METTL21C: variants seen among roughly 807,000 people sequenced by gnomAD.
METTL21C encodes protein-lysine methyltransferase METTL21C.
Under a neutral mutation model 25.9 loss-of-function variants are expected in METTL21C, and 21 were observed. The ratio of observed to expected loss-of-function variants is 0.81; its 90% CI spans 0.58 to 1.17. The LOEUF (loss-of-function observed/expected upper bound fraction) is 1.17, where lower values mean the gene tolerates loss of function less well. Among genes scored for constraint, METTL21C ranks in the 50% most tolerant of loss-of-function variants. The pLI, the probability that METTL21C is intolerant of heterozygous loss-of-function variation, is 0.00. For synonymous variants in METTL21C, 125 were observed against 124.7 expected (o/e 1.00, Z -0.01); for missense variants, 312 against 315.1 (o/e 0.99, Z 0.07).
intron 1 of METTL21C, among the ~76,000 whole-genome samples, chr13:102,693,762 A>ACC (rs1885884468): frequency 1.3e-5 from 2 of 152,230 alleles, no homozygotes; most frequent in African/African-American, 4.8e-5. Context: ...TCAGATTTTC[A>ACC]GATAAGGTAG....
chr13:102,687,283 C>T (rs1885701296), intron 2 of METTL21C, among the ~76,000 whole-genome samples: 1 of 152,168 alleles, frequency 6.6e-6, no homozygotes, highest in African/African-American at 2.4e-5. Context: ...GTTAAATTGC[C>T]TCCTAAATCT....
the METTL21C span, among the ~76,000 whole-genome samples, chr13:102,703,464 C>A: frequency 6.6e-6 from 1 of 152,194 alleles, no homozygotes; most frequent in Admixed American, 6.5e-5. Flanking sequence ...AGTTAACTGC[C>A]AGTTTCATTT....
chr13:102,690,738 TG>T, intron 2 of METTL21C, 74 bp downstream of exon 2: 1 of 1,527,210 alleles, frequency 6.5e-7, no homozygotes, highest in Non-Finnish European at 8.8e-7. Context: ...CTTGACAAAT[TG>T]TCCAAGGCAA....
upstream of METTL21C, among the ~76,000 whole-genome samples, chr13:102,698,063 C>T (rs139537952): frequency 2.5e-3 from 380 of 152,272 alleles, 2 homozygotes; most frequent in African/African-American, 8.7e-3. Context: ...CATAAGATGC[C>T]GTTGCTCCTT....
the METTL21C span, among the ~76,000 whole-genome samples, chr13:102,701,335 C>A: frequency 6.6e-6 from 1 of 152,100 alleles, no homozygotes; most frequent in South Asian, 2.1e-4. Flanking sequence ...AGAGACATAG[C>A]ACCTTTCACA....
chr13:102,698,041 C>T (rs964647716), upstream of METTL21C, among the ~76,000 whole-genome samples: 1 of 152,228 alleles, frequency 6.6e-6, no homozygotes, highest in African/African-American at 2.4e-5. Context: ...AGGACAGTAT[C>T]TGCTACAGCT....
intron 2 of METTL21C, among the ~76,000 whole-genome samples, chr13:102,689,466 T>C (rs565476229): frequency 1.6e-4 from 25 of 152,322 alleles, no homozygotes; most frequent in African/African-American, 5.8e-4. Context: ...CTTCTCCCCA[T>C]CCTGTGCCAT....
At chr13:102,700,869 G>A in the METTL21C span, among the ~76,000 whole-genome samples, 1 of 151,914 alleles carries the variant, frequency 6.6e-6, no homozygotes, top group Non-Finnish European at 1.5e-5. Context: ...ACGACTCCCA[G>A]CCAGGAGCAG....
intron 2 of METTL21C, among the ~76,000 whole-genome samples, chr13:102,689,201 A>G (rs1885763274): frequency 6.6e-6 from 1 of 152,090 alleles, no homozygotes; most frequent in African/African-American, 2.4e-5. Flanking sequence ...AAGTGCTGGG[A>G]TTACAGGCAT....
At chr13:102,694,149 G>C (rs1349929050) in intron 1 of METTL21C, among the ~76,000 whole-genome samples, 1 of 152,036 alleles carries the variant, frequency 6.6e-6, no homozygotes, top group Non-Finnish European at 1.5e-5. Context: ...TGCAAACTTT[G>C]ATAAGTAATG....
intron 1 of METTL21C, among the ~76,000 whole-genome samples, chr13:102,692,050 G>T (rs141619730): frequency 3.3e-5 from 5 of 152,322 alleles, no homozygotes; most frequent in South Asian, 2.1e-4. Flanking sequence ...CGGAGAGTAG[G>T]GGGGAGGAAG....
chr13:102,686,976 C>T lies in METTL21C; in HGVS notation c.364G>A (p.Gly122Arg), dbSNP rs761786898. Residue 122 changes from glycine (G) to arginine (R), a missense_variant, in exon 3 of 4, where the codon GGA becomes AGA. Gly to Arg is a moderately radical substitution (Grantham distance 125, BLOSUM62 -2). Coordinates refer to ENST00000267273, the MANE Select transcript of METTL21C (RefSeq NM_001010977.3). ...GCCACAATGGAAACAAGGCCTGGTC[C>T]GGCACCAATTTCAAGTATTTTTGCA... ...QDAKILEIGAGPGLVSIVASI... is the reference protein window; with the variant it reads ...QDAKILEIGARPGLVSIVASI... 120 of 1,613,936 alleles carry T rather than the reference C, an allele frequency of 7.4e-5. No homozygotes were observed. In the South Asian group the frequency reaches 1.1e-3, roughly 15 times the overall value.
chr13:102,693,548 T>A (rs951546700), intron 1 of METTL21C, among the ~76,000 whole-genome samples: 5 of 152,230 alleles, frequency 3.3e-5, no homozygotes, highest in Admixed American at 3.3e-4. Context: ...TGATTTTGAA[T>A]GGCTCATCAT....
chr13:102,702,163 CAA>C, the METTL21C span, among the ~76,000 whole-genome samples: 1 of 120,236 alleles, frequency 8.3e-6, no homozygotes, highest in African/African-American at 3.1e-5. Context: ...GACTCTGCCT[CAA>C]AAAAAAAAAG....
At chr13:102,689,797 A>G (rs1885779918) in intron 2 of METTL21C, among the ~76,000 whole-genome samples, 1 of 152,246 alleles carries the variant, frequency 6.6e-6, no homozygotes, top group Non-Finnish European at 1.5e-5. Flanking sequence ...TGGAAAGAAT[A>G]TTACATTAAT....
intron 1 of METTL21C, among the ~76,000 whole-genome samples, chr13:102,691,281 A>G (rs1244413368): frequency 6.6e-6 from 1 of 151,982 alleles, no homozygotes. Flanking sequence ...AAAAATGGCG[A>G]ACTTACCAGC....
chr13:102,701,559 C>T, the METTL21C span, among the ~76,000 whole-genome samples: 1 of 152,160 alleles, frequency 6.6e-6, no homozygotes, highest in African/African-American at 2.4e-5. Flanking sequence ...GGACAAACCA[C>T]TGAGATGCTG....
At chr13:102,695,700 T>G (rs1885935794), upstream of METTL21C, among the ~76,000 whole-genome samples, 4 of 152,214 alleles carry the variant, frequency 2.6e-5, no homozygotes, top group Admixed American at 2.6e-4. Flanking sequence ...CCTTTCCCAC[T>G]TTCTTAAATG....
Position 102,694,458 on chromosome 13 carries a change from C to A in METTL21C, c.41G>T (p.Arg14Leu). The change falls in exon 1 of 4, where the codon CGG becomes CTG. Residue 14 changes from arginine (R) to leucine (L), a missense_variant. By Grantham distance (102) the Arg-to-Leu change is moderately radical (BLOSUM62 -2). Transcript: ENST00000267273. ...ACCCGGGGAGCTGAGTCCTTCCCCC[C>A]GGCGCCCAGGCTGCTGCGCGGAGCT... The part of the protein sequence containing the change: ...CLSSAQQPGR[R>L]GEGLSSPGGW... 2 of 1,458,578 alleles carry A rather than the reference C, an allele frequency of 1.4e-6. No homozygotes were observed. The highest frequency in any genetic ancestry group is 1.2e-5 in the South Asian group (1 of 86,150). 90.4% of individuals were successfully genotyped at this position (1,458,578 alleles called of 1,614,324 possible). A position where few individuals can be genotyped will look rare whatever the true frequency, so the allele number is the denominator to read the frequency against.
Sources: gnomAD v4.1 joint callset for allele counts (sites outside exome capture counted in the v4.1 genomes callset) on GRCh38, gnomAD v4.1.1 for gene constraint, MANE v1.5 for transcripts, NCBI Gene and HGNC (gene_info 2026-07-23, HGNC 2026-07-21) for gene names.